Variants in EYA1 observed in about 807,000 individuals in gnomAD.
EYA1 encodes the protein protein phosphatase EYA1.
In EYA1, 16 loss-of-function variants were observed where a neutral mutation model predicts 82.0. The observed-to-expected ratio is 0.20, with a 90% CI of 0.13 to 0.30. The LOEUF (loss-of-function observed/expected upper bound fraction) is 0.30, where lower values mean the gene tolerates loss of function less well. Ranked by LOEUF, EYA1 falls within the 10% of genes least tolerant of loss-of-function variation. The pLI, the probability that EYA1 is intolerant of heterozygous loss-of-function variation, is 1.00. For missense variants in EYA1, 633 were observed against 730.7 expected (o/e 0.87, Z 1.54); for synonymous variants, 261 against 264.4 (o/e 0.99, Z 0.12).
chr8:71,459,152 T>C (rs1436506947), intron 2 of EYA1, among the ~76,000 whole-genome samples: 11 of 152,208 alleles, frequency 7.2e-5, no homozygotes, highest in Non-Finnish European at 1.0e-4. Context: ...CTTGGACTTC[T>C]CCCCACATTC....
At chr8:71,306,327 A>C (rs2129009544) in intron 7 of EYA1, among the ~76,000 whole-genome samples, 1 of 152,360 alleles carries the variant, frequency 6.6e-6, no homozygotes, top group Admixed American at 6.5e-5. Flanking sequence ...TGATCATTTA[A>C]GAAAAACAGC....
chr8:71,504,932 G>A (rs1010758389), intron 2 of EYA1, among the ~76,000 whole-genome samples: 1 of 152,118 alleles, frequency 6.6e-6, no homozygotes, highest in Non-Finnish European at 1.5e-5. Context: ...CTCCCAAGTA[G>A]CTAGGACTAC....
intron 2 of EYA1, among the ~76,000 whole-genome samples, chr8:71,484,987 G>T (rs922062187): frequency 6.6e-6 from 1 of 152,224 alleles, no homozygotes; most frequent in Non-Finnish European, 1.5e-5. Context: ...GCCTTCAACT[G>T]CATTGCCAAC....
At chr8:71,353,589 C>T (rs947081849) in intron 3 of EYA1, among the ~76,000 whole-genome samples, 4 of 152,124 alleles carry the variant, frequency 2.6e-5, no homozygotes, top group Non-Finnish European at 5.9e-5. Context: ...AAAAGAATCA[C>T]TGTTGGAATA....
At chr8:71,394,103 T>C (rs1213872525) in intron 2 of EYA1, among the ~76,000 whole-genome samples, 1 of 152,256 alleles carries the variant, frequency 6.6e-6, no homozygotes, top group African/African-American at 2.4e-5. Context: ...GAGAAGTGTC[T>C]GTTCCTATCC....
intron 2 of EYA1, among the ~76,000 whole-genome samples, chr8:71,395,799 G>A (rs111338005): frequency 6.6e-6 from 1 of 152,096 alleles, no homozygotes; most frequent in Non-Finnish European, 1.5e-5. Context: ...GATGATGTTG[G>A]CTTCATAAAA....
intron 9 of EYA1, among the ~76,000 whole-genome samples, chr8:71,295,433 C>A (rs1344998891): frequency 6.6e-6 from 1 of 152,168 alleles, no homozygotes; most frequent in East Asian, 1.9e-4. Flanking sequence ...ACAGACACCT[C>A]ACCAAAGAAG....
chr8:71,208,487 A>C (rs1214606026), intron 17 of EYA1, among the ~76,000 whole-genome samples: 1 of 152,104 alleles, frequency 6.6e-6, no homozygotes, highest in Non-Finnish European at 1.5e-5. Flanking sequence ...AATTAACTAA[A>C]ATCTTTTAAC....
chr8:71,448,606 C>CAG (rs1347047876), intron 2 of EYA1, among the ~76,000 whole-genome samples: 1 of 152,186 alleles, frequency 6.6e-6, no homozygotes, highest in African/African-American at 2.4e-5. Flanking sequence ...GCATCTAGAA[C>CAG]AGTGAATGCT....
At chr8:71,268,827 G>A (rs1213149091) in intron 11 of EYA1, among the ~76,000 whole-genome samples, 3 of 151,914 alleles carry the variant, frequency 2.0e-5, no homozygotes, top group Admixed American at 6.6e-5. Context: ...ACAACCACCC[G>A]GTCAAATTTG....
intron 2 of EYA1, among the ~76,000 whole-genome samples, chr8:71,396,128 G>A (rs868531836): frequency 5.9e-5 from 9 of 152,010 alleles, no homozygotes; most frequent in Middle Eastern, 3.2e-3. Flanking sequence ...CTGTGGGATC[G>A]GTGGTGATAT....
Position 71,321,061 on chromosome 8 carries a change from AT to A in EYA1, c.418+672del, listed in dbSNP as rs767981407. Among the ~76,000 whole-genome samples, 6 of 152,270 alleles carry A rather than the reference AT, an allele frequency of 3.9e-5. No homozygotes were observed. In the East Asian group the frequency reaches 9.6e-4, roughly 24 times the overall value. ...AGAAAAGGTATTTTGAAATTCTGAA[AT>A]TTTTTTAATTAAGCTTTGGGATTTT... On this transcript the variant is annotated intron_variant, in intron 6 of 17. Transcript: ENST00000340726.
chr8:71,492,619 C>T (rs1051043691), intron 2 of EYA1, among the ~76,000 whole-genome samples: 9 of 152,036 alleles, frequency 5.9e-5, no homozygotes, highest in Non-Finnish European at 1.0e-4. Context: ...CGCCCACCAC[C>T]ACGCCTGGCT....
At chr8:71,486,514 G>A (rs1810582038) in intron 2 of EYA1, among the ~76,000 whole-genome samples, 1 of 152,212 alleles carries the variant, frequency 6.6e-6, no homozygotes, top group Non-Finnish European at 1.5e-5. Context: ...CTTGGGAGAA[G>A]CAGTGGCATA....
At chr8:71,305,497 T>C (rs1192790202) in intron 7 of EYA1, among the ~76,000 whole-genome samples, 2 of 103,238 alleles carry the variant, frequency 1.9e-5, no homozygotes, top group Admixed American at 1.8e-4. Flanking sequence ...CTGTCTCTAC[T>C]AAAAATACAA....
At chr8:71,281,922 G>A (rs114777673) in intron 9 of EYA1, among the ~76,000 whole-genome samples, 252 of 152,336 alleles carry the variant, frequency 1.7e-3, no homozygotes, top group African/African-American at 5.9e-3. Flanking sequence ...GGATGTGACT[G>A]AGCAGGATGA....
At chr8:71,444,882 C>T (rs530882193) in intron 2 of EYA1, among the ~76,000 whole-genome samples, 26 of 152,294 alleles carry the variant, frequency 1.7e-4, no homozygotes, top group Non-Finnish European at 3.2e-4. Context: ...CATTACCAAC[C>T]TATTTGTGGA....
intron 2 of EYA1, among the ~76,000 whole-genome samples, chr8:71,517,517 T>A (rs1813056245): frequency 6.6e-6 from 1 of 151,542 alleles, no homozygotes; most frequent in African/African-American, 2.4e-5. Flanking sequence ...GAAAAAATAG[T>A]TATCATAAGG....
chr8:71,545,910 T>C (rs1261697044), intron 1 of EYA1, among the ~76,000 whole-genome samples: 1 of 152,164 alleles, frequency 6.6e-6, no homozygotes, highest in Non-Finnish European at 1.5e-5. Flanking sequence ...TGCAAGGCCT[T>C]CACAAATTCC....
Sources: gnomAD v4.1 joint callset for allele counts (sites outside exome capture counted in the v4.1 genomes callset) on GRCh38, gnomAD v4.1.1 for gene constraint, MANE v1.5 for transcripts, NCBI Gene and HGNC (gene_info 2026-07-23, HGNC 2026-07-21) for gene names.